MOB4: variants seen among roughly 807,000 people sequenced by gnomAD.
The protein encoded by MOB4 is MOB-like protein phocein.
MOB4 carries 4 observed loss-of-function variants against 32.2 expected under a neutral mutation model. That is an observed-to-expected ratio of 0.12 (90% CI 0.06 to 0.28). The LOEUF (loss-of-function observed/expected upper bound fraction) is 0.28, where lower values mean the gene tolerates loss of function less well. Ranked by LOEUF, MOB4 falls within the 10% of genes least tolerant of loss-of-function variation. MOB4 has a pLI of 1.00. For missense variants in MOB4, 158 were observed against 271.2 expected, an observed-to-expected ratio of 0.58 and a Z score of 2.93; for synonymous variants, 88 against 88.1, an observed-to-expected ratio of 1.00 and a Z score of 0.01.
intron 2 of MOB4, among the ~76,000 whole-genome samples, chr2:197,530,432 C>CTT (rs755751763): frequency 7.0e-6 from 1 of 143,150 alleles, no homozygotes; most frequent in Non-Finnish European, 1.5e-5. Flanking sequence ...CCCTGGCTGA[C>CTT]TTTTTTTTTT....
intron 3 of MOB4, among the ~76,000 whole-genome samples, chr2:197,538,180 T>A (rs944824866): frequency 1.3e-5 from 2 of 152,040 alleles, no homozygotes; most frequent in Non-Finnish European, 2.9e-5. Flanking sequence ...TCTCCCTATT[T>A]AACTTATTCT....
chr2:197,540,129 A>G lies in MOB4; in HGVS notation c.243A>G (p.Leu81=). 6.2e-7 allele frequency: 1 copy of G among 1,603,908 alleles called. No individual in the cohort carries two copies. The highest frequency in any genetic ancestry group is 8.5e-7 in the Non-Finnish European group (1 of 1,174,678). ...TTTTCAGGCAGTTCTGCCTTGAGCT[A>G]AATGGACTTGCTGTCAAACTTCAGG... ...YEHLRQFCLE[L]NGLAVKLQSE... The change falls in exon 4 of 8, where the codon CTA becomes CTG. Residue 81 remains leucine (L), a synonymous_variant. Transcript: ENST00000323303.
intron 1 of MOB4, among the ~76,000 whole-genome samples, chr2:197,521,963 G>A (rs1028672929): frequency 1.2e-4 from 19 of 152,270 alleles, no homozygotes; most frequent in Admixed American, 1.0e-3. Context: ...GACAGGCCTA[G>A]GAAATCACAA....
At position 197,525,724 on chromosome 2, in the gene MOB4, A is replaced by AG. The variant is rs200887531; in HGVS notation, c.123+2038_123+2039insG. Reference sequence around the variant, plus strand: ...GACCCTATCTCAAAAAAAAAAAAAAAAAAGAAAAAGTGCTGTTCAATCAGC... The same window carrying AG: ...GACCCTATCTCAAAAAAAAAAAAAAAGAAAGAAAAAGTGCTGTTCAATCAGC... On this transcript the variant is annotated intron_variant, in intron 2 of 7. Transcript: ENST00000323303. Among the ~76,000 whole-genome samples the AG allele has an allele frequency of 8.9e-3, 1,359 of 152,116 alleles. 27 individuals carry two copies. Among genetic ancestry groups the AG allele is most frequent in the African/African-American group, 0.031 (1,293 of 41,464 alleles).
chr2:197,528,903 C>T (rs2086654183), intron 2 of MOB4, among the ~76,000 whole-genome samples: 1 of 152,022 alleles, frequency 6.6e-6, no homozygotes, highest in Non-Finnish European at 1.5e-5. Context: ...AGGCGTGAGC[C>T]ACCGCGCCTG....
intron 6 of MOB4, among the ~76,000 whole-genome samples, chr2:197,548,890 C>G (rs1010991389): frequency 6.6e-6 from 1 of 152,052 alleles, no homozygotes; most frequent in Non-Finnish European, 1.5e-5. Context: ...ACTTGAATCT[C>G]TATGTTAGTT....
chr2:197,546,147 C>T (rs752900056), intron 5 of MOB4, among the ~76,000 whole-genome samples: 11 of 152,036 alleles, frequency 7.2e-5, no homozygotes, highest in African/African-American at 9.7e-5. Context: ...CTGCAAGCTC[C>T]GCCTCCCGGG....
At chr2:197,537,097 A>G (rs2086812858) in intron 3 of MOB4, among the ~76,000 whole-genome samples, 1 of 152,182 alleles carries the variant, frequency 6.6e-6, no homozygotes, top group African/African-American at 2.4e-5. Context: ...TTGGTATCTG[A>G]TAAGTTACCT....
At chr2:197,517,877 C>A (rs949209673) in intron 1 of MOB4, among the ~76,000 whole-genome samples, 1 of 152,122 alleles carries the variant, frequency 6.6e-6, no homozygotes, top group Non-Finnish European at 1.5e-5. Context: ...CGGTGGCTCA[C>A]GCCTGTAATC....
intron 2 of MOB4, among the ~76,000 whole-genome samples, chr2:197,531,051 TTA>T (rs199892458): frequency 1.4e-5 from 2 of 141,664 alleles, no homozygotes; most frequent in Admixed American, 6.8e-5. Context: ...ATTTTTATTT[TTA>T]TTTTTTTTTT....
chr2:197,517,191 C>T (rs1479622447), intron 1 of MOB4, among the ~76,000 whole-genome samples: 1 of 152,162 alleles, frequency 6.6e-6, no homozygotes, highest in Admixed American at 6.5e-5. Flanking sequence ...AACTGAAGCC[C>T]AAGAGAATTA....
intron 1 of MOB4, chr2:197,516,612 G>GC (rs1191069784): frequency 2.1e-6 from 1 of 473,800 alleles, no homozygotes; most frequent in Non-Finnish European, 4.4e-6. Flanking sequence ...GTACCTACCC[G>GC]TTTCCTGCCA....
At chr2:197,546,113 G>C (rs957977469) in intron 5 of MOB4, among the ~76,000 whole-genome samples, 4 of 151,754 alleles carry the variant, frequency 2.6e-5, no homozygotes, top group Admixed American at 2.6e-4. Context: ...CCAGGCTGGA[G>C]TGCAGTGGCG....
At chr2:197,537,459 TG>T (rs1480337550) in intron 3 of MOB4, among the ~76,000 whole-genome samples, 1 of 152,242 alleles carries the variant, frequency 6.6e-6, no homozygotes, top group Non-Finnish European at 1.5e-5. Context: ...CTGTGTTGTG[TG>T]CCTCAACTTG....
At chr2:197,517,182 A>G (rs931683174) in intron 1 of MOB4, among the ~76,000 whole-genome samples, 5 of 152,218 alleles carry the variant, frequency 3.3e-5, no homozygotes, top group African/African-American at 1.2e-4. Context: ...AGATAAGGAA[A>G]CTGAAGCCCA....
chr2:197,532,868 G>A (rs2086731118), intron 2 of MOB4, among the ~76,000 whole-genome samples: 1 of 152,132 alleles, frequency 6.6e-6, no homozygotes, highest in Non-Finnish European at 1.5e-5. Context: ...GGAAGCTGAG[G>A]CAGGTGGATC....
intron 1 of MOB4, among the ~76,000 whole-genome samples, chr2:197,520,032 G>A (rs966975323): frequency 1.4e-4 from 22 of 152,132 alleles, no homozygotes; most frequent in African/African-American, 5.3e-4. Flanking sequence ...TTAAAAAGGT[G>A]TACTCATTAC....
intron 2 of MOB4, among the ~76,000 whole-genome samples, chr2:197,531,969 G>A (rs544623399): frequency 1.3e-5 from 2 of 152,068 alleles, no homozygotes; most frequent in African/African-American, 2.4e-5. Context: ...GTGCAGTAGC[G>A]TGTGATTGCT....
intron 5 of MOB4, among the ~76,000 whole-genome samples, chr2:197,543,524 A>C (rs2106132959): frequency 6.6e-6 from 1 of 152,274 alleles, no homozygotes; most frequent in East Asian, 1.9e-4. Context: ...AAAACCATGA[A>C]AGGGAATGAA....
Sources: allele counts gnomAD v4.1 joint callset (sites outside exome capture counted in the v4.1 genomes callset), GRCh38; gene constraint gnomAD v4.1.1; transcripts MANE v1.5; gene names NCBI Gene and HGNC (gene_info 2026-07-23, HGNC 2026-07-21).